Variants in KITLG observed in about 807,000 individuals in gnomAD.
The protein encoded by KITLG is c-Kit ligand.
KITLG carries 13 observed loss-of-function variants against 34.1 expected under a neutral mutation model. That is an observed-to-expected ratio of 0.38 (90% CI 0.25 to 0.61). The LOEUF is 0.61. KITLG is among the 20% of genes least tolerant of loss of function. KITLG has a pLI of 0.60. For missense variants in KITLG, 292 were observed against 318.9 expected, an observed-to-expected ratio of 0.92 and a Z score of 0.64; for synonymous variants, 110 against 104.0, an observed-to-expected ratio of 1.06 and a Z score of -0.35.
chr12:88,561,238 C>T (rs1871289829), intron 1 of KITLG, among the ~76,000 whole-genome samples: 1 of 152,096 alleles, frequency 6.6e-6, no homozygotes, highest in Admixed American at 6.5e-5. Flanking sequence ...TGTAAGTGGG[C>T]ATTTAGTATA....
intron 2 of KITLG, among the ~76,000 whole-genome samples, chr12:88,541,952 CAAAGGAATGATTTCCATT>C (rs1870533746): frequency 2.0e-5 from 3 of 152,136 alleles, no homozygotes; most frequent in Non-Finnish European, 1.5e-5. Context: ...GTAGGGGCTG[CAAAGGAATGATTTCCATT>C]GAAGGAATAA....
At chr12:88,540,946 AC>A (rs1245609031) in intron 2 of KITLG, among the ~76,000 whole-genome samples, 2 of 152,168 alleles carry the variant, frequency 1.3e-5, no homozygotes, top group Non-Finnish European at 2.9e-5. Flanking sequence ...CGAAGGTCAA[AC>A]AAAATTATGT....
chr12:88,526,863 C>CTTT (rs10532642), intron 3 of KITLG, among the ~76,000 whole-genome samples: 23 of 79,982 alleles, frequency 2.9e-4, no homozygotes, highest in African/African-American at 5.3e-4. Flanking sequence ...TCAGTATAGT[C>CTTT]TTTTTTTTTT....
At chr12:88,537,002 C>T (rs920832426) in intron 2 of KITLG, among the ~76,000 whole-genome samples, 3 of 151,976 alleles carry the variant, frequency 2.0e-5, no homozygotes, top group Admixed American at 6.6e-5. Flanking sequence ...TGTCAAAAAA[C>T]AACAGATGCT....
intron 3 of KITLG, among the ~76,000 whole-genome samples, chr12:88,528,129 G>A: frequency 6.6e-6 from 1 of 152,190 alleles, no homozygotes; most frequent in South Asian, 2.1e-4. Flanking sequence ...TTTGGATGCT[G>A]TAAAGGAAAA....
intron 1 of KITLG, among the ~76,000 whole-genome samples, chr12:88,571,059 C>T (rs962679031): frequency 2.6e-5 from 4 of 152,016 alleles, no homozygotes; most frequent in Admixed American, 6.6e-5. Flanking sequence ...AGATAGATAA[C>T]GTATAAATAA....
chr12:88,529,677 AC>A (rs1421694270), intron 3 of KITLG, among the ~76,000 whole-genome samples: 1 of 152,036 alleles, frequency 6.6e-6, no homozygotes, highest in Non-Finnish European at 1.5e-5. Flanking sequence ...TTCCCACTCC[AC>A]CCTCTATTGT....
At position 88,516,382 on chromosome 12, in the gene KITLG, A is replaced by G; in HGVS notation, c.472T>C (p.Ser158Pro). The G allele has an allele frequency of 6.2e-7, 1 of 1,611,470 alleles. No homozygotes were observed. The highest frequency in any genetic ancestry group is 8.5e-7 in the Non-Finnish European group (1 of 1,178,070). The stretch of plus-strand genomic sequence containing the variant: ...GAAACCACACAATCACTAGTTTCAG[A>G]TGCCACTACAAAGTCCTTGAAGGCA... ...IDAFKDFVVA[S>P]ETSDCVVSST... The change falls in exon 5 of 10, where the codon TCT (serine) becomes CCT (proline). Residue 158 changes from serine to proline, a missense_variant. By Grantham distance (74) the Ser-to-Pro change is moderately conservative (BLOSUM62 -1). Transcript: ENST00000644744.
chr12:88,509,370 A>G (rs774635972), intron 6 of KITLG, among the ~76,000 whole-genome samples: 1 of 152,210 alleles, frequency 6.6e-6, no homozygotes, highest in Non-Finnish European at 1.5e-5. Flanking sequence ...AAAGAGTGAG[A>G]TATTCTGGAA....
intron 8 of KITLG, among the ~76,000 whole-genome samples, chr12:88,505,908 C>G (rs1869039722): frequency 1.3e-5 from 2 of 152,096 alleles, no homozygotes; most frequent in South Asian, 4.1e-4. Context: ...ATAATGCTTC[C>G]TACTGAAAGA....
At chr12:88,504,828 A>G (rs1197235959) in intron 9 of KITLG, among the ~76,000 whole-genome samples, 3 of 152,012 alleles carry the variant, frequency 2.0e-5, no homozygotes, top group Non-Finnish European at 4.4e-5. Flanking sequence ...CACATGTATG[A>G]CTGAGGCTGG....
At chr12:88,550,478 A>G (rs1008421702) in intron 1 of KITLG, among the ~76,000 whole-genome samples, 4 of 152,250 alleles carry the variant, frequency 2.6e-5, no homozygotes, top group Admixed American at 2.6e-4. Flanking sequence ...ATGTGAATGC[A>G]GATGCTGGTT....
chr12:88,580,396 C>T lies in KITLG; in HGVS notation c.-118G>A. On this transcript the variant is annotated 5_prime_UTR_variant, in exon 1 of 10. Coordinates refer to ENST00000644744, the MANE Select transcript of KITLG (RefSeq NM_000899.5). The stretch of plus-strand genomic sequence containing the variant: ...GGCAGATAGTCCACGCATTGGGTAG[C>T]CCGAGCGCAGCGCCCTCTCCACTGT... The T allele has an allele frequency of 8.2e-7, 1 of 1,219,934 alleles. No homozygotes were observed. The highest frequency in any genetic ancestry group is 1.2e-6 in the Non-Finnish European group (1 of 844,088). The allele number at this position is 1,219,934 out of a possible 1,614,324, so 75.6% of individuals were successfully genotyped here. A position where few individuals can be genotyped will look rare whatever the true frequency, so the allele number is the denominator to read the frequency against.
At chr12:88,519,718 G>T (rs1386196220) in intron 3 of KITLG, among the ~76,000 whole-genome samples, 5 of 151,996 alleles carry the variant, frequency 3.3e-5, no homozygotes. Context: ...GAATTCCTGG[G>T]CCCAAGTGAT....
intron 4 of KITLG, 152 bp downstream of exon 4, chr12:88,518,545 T>C (rs1336682856): frequency 3.3e-5 from 21 of 642,886 alleles, no homozygotes; most frequent in Non-Finnish European, 5.7e-5. Flanking sequence ...AAATACTTGT[T>C]TTCTTTGCTC....
rs1869460112 is a variant in KITLG at position 88,516,439 on chromosome 12, C to T, written c.415G>A (p.Glu139Lys). Residue 139 changes from glutamate (E) to lysine (K), a missense_variant, in exon 5 of 10, where the codon GAA becomes AAA. Glu to Lys is a moderately conservative substitution (Grantham distance 56). Transcript: ENST00000644744. ...SPEPRLFTPEEFFRIFNRSID... is the reference protein window; with the variant it reads ...SPEPRLFTPEKFFRIFNRSID... ...GATCTATTAAAAATTCTAAAGAATT[C>T]TTCAGGAGTAAAGAGCCTGGGTTCT... is the stretch of plus-strand genomic sequence containing the variant. 4.4e-6 allele frequency: 7 copies of T among 1,608,480 alleles called. No individual in the cohort carries two copies. Among genetic ancestry groups the T allele is most frequent in the Non-Finnish European group, 5.9e-6 (7 of 1,176,644 alleles).
intron 3 of KITLG, among the ~76,000 whole-genome samples, chr12:88,529,557 G>A (rs1022485353): frequency 3.3e-5 from 5 of 151,966 alleles, no homozygotes; most frequent in African/African-American, 1.2e-4. Flanking sequence ...TAAAATGAAG[G>A]CAAAATAAAA....
chr12:88,560,116 G>GT (rs1407681011), intron 1 of KITLG, among the ~76,000 whole-genome samples: 1 of 152,194 alleles, frequency 6.6e-6, no homozygotes, highest in Non-Finnish European at 1.5e-5. Context: ...ATGATAACAT[G>GT]TTTTTGCAGT....
At chr12:88,530,337 GC>G (rs1328943580) in intron 3 of KITLG, among the ~76,000 whole-genome samples, 2 of 152,024 alleles carry the variant, frequency 1.3e-5, no homozygotes, top group Non-Finnish European at 2.9e-5. Flanking sequence ...ATAGCCTTGG[GC>G]AAAATACTTT....
Sources: gnomAD v4.1 joint callset for allele counts (sites outside exome capture counted in the v4.1 genomes callset) on GRCh38, gnomAD v4.1.1 for gene constraint, MANE v1.5 for transcripts, NCBI Gene and HGNC (gene_info 2026-07-23, HGNC 2026-07-21) for gene names.